TPD52L1: variants seen among roughly 807,000 people sequenced by gnomAD.
The protein encoded by TPD52L1 is tumor protein D53.
Under a neutral mutation model 28.7 loss-of-function variants are expected in TPD52L1, and 18 were observed. The observed-to-expected ratio is 0.63, with a 90% CI of 0.43 to 0.93. The LOEUF is 0.93. TPD52L1 is among the 40% of genes least tolerant of loss of function. The probability of loss-of-function intolerance (pLI) is 0.00; values close to 1 mark genes in which losing one functional copy is unlikely to be tolerated. For missense variants in TPD52L1, 203 were observed against 254.8 expected, an observed-to-expected ratio of 0.80 and a Z score of 1.39; for synonymous variants, 75 against 88.8, an observed-to-expected ratio of 0.84 and a Z score of 0.88.
chr6:125,193,324 C>G (rs1254382220), intron 1 of TPD52L1, among the ~76,000 whole-genome samples: 3 of 152,164 alleles, frequency 2.0e-5, no homozygotes, highest in Non-Finnish European at 2.9e-5. Flanking sequence ...TTTCCCTCAT[C>G]CTTTCCTTCT....
intron 1 of TPD52L1, among the ~76,000 whole-genome samples, chr6:125,165,315 A>T (rs1184633891): frequency 6.6e-6 from 1 of 152,102 alleles, no homozygotes; most frequent in African/African-American, 2.4e-5. Context: ...AGCATTGTTA[A>T]TGTACCAGGG....
chr6:125,211,539 G>A (rs956896469), intron 1 of TPD52L1, among the ~76,000 whole-genome samples: 1 of 152,156 alleles, frequency 6.6e-6, no homozygotes, highest in Admixed American at 6.5e-5. Context: ...TATGACTTGC[G>A]TTTTATGATT....
chr6:125,214,943 A>G (rs58449902), intron 1 of TPD52L1, among the ~76,000 whole-genome samples: 2 of 152,114 alleles, frequency 1.3e-5, no homozygotes, highest in Non-Finnish European at 2.9e-5. Flanking sequence ...CAAACCCACA[A>G]CTAGAATTCC....
intron 1 of TPD52L1, among the ~76,000 whole-genome samples, chr6:125,214,237 C>A (rs913205673): frequency 6.6e-6 from 1 of 152,150 alleles, no homozygotes; most frequent in African/African-American, 2.4e-5. Context: ...CTTAGGTCAT[C>A]TCCTGGGCAC....
chr6:125,191,555 A>C (rs1219173786), intron 1 of TPD52L1, among the ~76,000 whole-genome samples: 1 of 152,220 alleles, frequency 6.6e-6, no homozygotes, highest in Non-Finnish European at 1.5e-5. Flanking sequence ...TTACTTGTGC[A>C]GCATTGTAGA....
At position 125,263,043 on chromosome 6, in the gene TPD52L1, CA is replaced by C; in HGVS notation, c.*85del. On this transcript the variant is annotated 3_prime_UTR_variant, in exon 7 of 7. Transcript: ENST00000534000. ...CCTGTGCTTATCCAGATAAGAAGAC[CA>C]AAATCCCGCTGGGAAAAACCCAGGC... The C allele has an allele frequency of 6.9e-7, 1 of 1,451,622 alleles. No homozygotes were observed. 89.9% of individuals were successfully genotyped at this position (1,451,622 alleles called of 1,614,324 possible).
chr6:125,155,150 T>C (rs1469561059), intron 1 of TPD52L1, among the ~76,000 whole-genome samples: 4 of 152,194 alleles, frequency 2.6e-5, no homozygotes, highest in Non-Finnish European at 5.9e-5. Flanking sequence ...TCCTCTATTA[T>C]GTAGATAGGA....
At chr6:125,158,167 A>C (rs998260441) in intron 1 of TPD52L1, among the ~76,000 whole-genome samples, 2 of 152,126 alleles carry the variant, frequency 1.3e-5, no homozygotes, top group African/African-American at 4.8e-5. Flanking sequence ...CCTTTAACTT[A>C]ATCACACCTG....
chr6:125,176,422 T>C (rs1051083030), intron 1 of TPD52L1, among the ~76,000 whole-genome samples: 1 of 152,208 alleles, frequency 6.6e-6, no homozygotes, highest in Admixed American at 6.5e-5. Flanking sequence ...ACAAATCCAT[T>C]CATCTCCAAA....
At chr6:125,157,378 G>T (rs1309325123) in intron 1 of TPD52L1, among the ~76,000 whole-genome samples, 1 of 152,228 alleles carries the variant, frequency 6.6e-6, no homozygotes, top group Admixed American at 6.5e-5. Context: ...CTTTGACTTT[G>T]TAAAATAATA....
chr6:125,214,232 G>A (rs1426730641), intron 1 of TPD52L1, among the ~76,000 whole-genome samples: 1 of 152,170 alleles, frequency 6.6e-6, no homozygotes, highest in Non-Finnish European at 1.5e-5. Flanking sequence ...TAATCCTTAG[G>A]TCATCTCCTG....
chr6:125,172,793 G>T (rs1055075834), intron 1 of TPD52L1, among the ~76,000 whole-genome samples: 1 of 150,798 alleles, frequency 6.6e-6, no homozygotes, highest in Non-Finnish European at 1.5e-5. Context: ...ACACAGTAGA[G>T]GTTCAATCAG....
intron 1 of TPD52L1, among the ~76,000 whole-genome samples, chr6:125,201,985 T>C (rs1200582623): frequency 6.6e-6 from 1 of 152,198 alleles, no homozygotes; most frequent in African/African-American, 2.4e-5. Context: ...ACTGAACCGA[T>C]TTGCTTAAAG....
intron 1 of TPD52L1, among the ~76,000 whole-genome samples, chr6:125,213,933 A>G (rs182223729): frequency 1.3e-5 from 2 of 152,334 alleles, no homozygotes; most frequent in Admixed American, 1.3e-4. Flanking sequence ...AAAAATGACA[A>G]GAGTTAAGGG....
intron 6 of TPD52L1, chr6:125,260,961 AAAG>A (rs1353972787): frequency 1.4e-4 from 6 of 41,848 alleles, no homozygotes; most frequent in Admixed American, 5.8e-4. Flanking sequence ...AGAAAGAAAG[AAAG>A]AAAGAAAGAA....
chr6:125,207,759 A>G (rs1794240747), intron 1 of TPD52L1, among the ~76,000 whole-genome samples: 1 of 152,218 alleles, frequency 6.6e-6, no homozygotes, highest in Non-Finnish European at 1.5e-5. Context: ...CACAATGTTC[A>G]TGCTATTTGC....
chr6:125,158,471 T>C (rs530843211), intron 1 of TPD52L1, among the ~76,000 whole-genome samples: 103 of 152,330 alleles, frequency 6.8e-4, no homozygotes, highest in African/African-American at 2.4e-3. Flanking sequence ...AGAACATTTA[T>C]ATAATTTTAT....
intron 1 of TPD52L1, among the ~76,000 whole-genome samples, chr6:125,189,101 G>T (rs1792861106): frequency 6.6e-6 from 1 of 152,148 alleles, no homozygotes; most frequent in African/African-American, 2.4e-5. Context: ...TAAATAGAAG[G>T]CATCTCAGTT....
At chr6:125,234,878 A>C (rs1796162629) in intron 3 of TPD52L1, among the ~76,000 whole-genome samples, 1 of 151,988 alleles carries the variant, frequency 6.6e-6, no homozygotes, top group African/African-American at 2.4e-5. Context: ...GAATCACTTG[A>C]GCTCACGAGT....
Sources: gnomAD v4.1 joint callset for allele counts (sites outside exome capture counted in the v4.1 genomes callset) on GRCh38, gnomAD v4.1.1 for gene constraint, MANE v1.5 for transcripts, NCBI Gene and HGNC (gene_info 2026-07-23, HGNC 2026-07-21) for gene names.